Variants in NCAPH observed in about 807,000 individuals in gnomAD.
NCAPH encodes the protein condensin complex subunit 2.
NCAPH carries 38 observed loss-of-function variants against 85.5 expected under a neutral mutation model. That is an observed-to-expected ratio of 0.44 (90% confidence interval 0.34 to 0.58). NCAPH has a LOEUF of 0.58. Ranked by LOEUF, NCAPH falls within the 20% of genes least tolerant of loss-of-function variation. The pLI is 0.01. For missense variants in NCAPH, 789 were observed against 916.6 expected (o/e 0.86, Z 1.80); for synonymous variants, 301 against 335.1 (o/e 0.90, Z 1.11).
At chr2:96,354,753 A>G (rs1377591518) in intron 9 of NCAPH, among the ~76,000 whole-genome samples, 2 of 152,230 alleles carry the variant, frequency 1.3e-5, no homozygotes, top group African/African-American at 4.8e-5. Context: ...GAGGAATCAC[A>G]CCTGGCTTTG....
intron 6 of NCAPH, among the ~76,000 whole-genome samples, chr2:96,346,370 G>T (rs1404127917): frequency 6.6e-6 from 1 of 152,150 alleles, no homozygotes; most frequent in East Asian, 1.9e-4. Context: ...CTTGAGGGTG[G>T]TGGCAGATGG....
At chr2:96,369,629 C>T in intron 17 of NCAPH, 129 bp downstream of exon 17, 2 of 924,118 alleles carry the variant, frequency 2.2e-6, no homozygotes, top group South Asian at 2.9e-5. Flanking sequence ...GTAGCACCTT[C>T]AACCCAAATG....
At position 96,355,091 on chromosome 2, in the gene NCAPH, GAGA is replaced by G. The variant is rs558965067; in HGVS notation, c.1208+714_1208+716del. On this transcript the variant is annotated intron_variant, in intron 9 of 17. Coordinates refer to ENST00000240423, the MANE Select transcript of NCAPH (RefSeq NM_015341.5). ...ACCAATAAATTGAGAATATTTGGAG[GAGA>G]AGAAGAAGAATTGGTTTAGTAATTA... 9.2e-5 allele frequency among the ~76,000 whole-genome samples: 14 copies of G among 152,306 alleles called. No homozygotes were observed. In the South Asian group the frequency reaches 1.2e-3, roughly 14 times the overall value.
chr2:96,344,719 A>G (rs1032650350), intron 6 of NCAPH, among the ~76,000 whole-genome samples: 2 of 152,218 alleles, frequency 1.3e-5, no homozygotes, highest in African/African-American at 4.8e-5. Flanking sequence ...CTAGCTTTAA[A>G]TCATCTATCT....
chr2:96,341,177 G>A (rs1445015163), intron 1 of NCAPH, among the ~76,000 whole-genome samples: 1 of 152,146 alleles, frequency 6.6e-6, no homozygotes, highest in African/African-American at 2.4e-5. Context: ...TGTTTTACAT[G>A]TTTATGTTGT....
chr2:96,358,298 A>G (rs1191229269), intron 9 of NCAPH, among the ~76,000 whole-genome samples: 2 of 152,220 alleles, frequency 1.3e-5, no homozygotes, highest in African/African-American at 2.4e-5. Context: ...AGTAGGAACT[A>G]TAGCGGTATC....
Position 96,360,652 on chromosome 2 carries a change from C to G in NCAPH, c.1529C>G (p.Thr510Arg). Reference protein sequence around the residue: ...NQNWRATTLPTDFNYNVDTLV... With the variant: ...NQNWRATTLPRDFNYNVDTLV... The stretch of plus-strand genomic sequence containing the variant: ...AATTGGAGAGCTACCACCCTTCCTA[C>G]AGATTTCAACTACAATGTTGACACT... The change falls in exon 12 of 18, where the codon ACA (threonine) becomes AGA (arginine). Residue 510 changes from threonine (T) to arginine (R), a missense_variant. Coordinates refer to ENST00000240423, the MANE Select transcript of NCAPH (RefSeq NM_015341.5). The G allele has an allele frequency of 6.2e-7, 1 of 1,614,188 alleles. No individual in the cohort carries two copies. The highest frequency in any genetic ancestry group is 8.5e-7 in the Non-Finnish European group (1 of 1,180,010).
At chr2:96,340,383 CTTTTTT>C (rs908160989) in intron 1 of NCAPH, among the ~76,000 whole-genome samples, 1 of 91,238 alleles carries the variant, frequency 1.1e-5, no homozygotes, top group African/African-American at 4.2e-5. Context: ...TAATAAGCAT[CTTTTTT>C]TTTTTTTTTT....
chr2:96,355,743 A>G (rs1421437080), intron 9 of NCAPH, among the ~76,000 whole-genome samples: 2 of 149,754 alleles, frequency 1.3e-5, no homozygotes, highest in Non-Finnish European at 3.0e-5. Context: ...CCGGGTTCAC[A>G]CCATTCTCCT....
chr2:96,361,094 G>T (rs1326031941), intron 12 of NCAPH, among the ~76,000 whole-genome samples: 1 of 134,102 alleles, frequency 7.5e-6, no homozygotes, highest in Non-Finnish European at 1.5e-5. Flanking sequence ...GTTGCCCTAG[G>T]CTGGAGTGCA....
intron 9 of NCAPH, among the ~76,000 whole-genome samples, chr2:96,354,740 T>G (rs1465472863): frequency 2.0e-5 from 3 of 152,214 alleles, no homozygotes; most frequent in African/African-American, 7.2e-5. Flanking sequence ...CCTTTCTGAC[T>G]CAGAGGAATC....
intron 15 of NCAPH, among the ~76,000 whole-genome samples, chr2:96,367,796 A>T (rs892291464): frequency 2.6e-5 from 4 of 152,252 alleles, no homozygotes; most frequent in African/African-American, 9.6e-5. Context: ...CTGGTAATCA[A>T]AAAAGACAAA....
chr2:96,361,812 ATATATATATATATATATTTTT>A (rs2064623020), intron 12 of NCAPH, among the ~76,000 whole-genome samples: 1 of 82,674 alleles, frequency 1.2e-5, no homozygotes, highest in African/African-American at 3.8e-5. Flanking sequence ...ATGTGTATAT[ATATATATATATATATATTTTT>A]TTTTTTTTTT....
In NCAPH at chr2:96,375,441, T is replaced by C. The variant is rs1404082148; in HGVS notation, c.*2090T>C. On this transcript the variant is annotated 3_prime_UTR_variant, in exon 18 of 18. Transcript: ENST00000240423. ...CTCGTGAATGGGATTAGTGCTCTTA[T>C]AAAAGAGGCCTGAGGAAGCTTGTTC... Among the ~76,000 whole-genome samples the C allele has an allele frequency of 1.3e-5, 2 of 152,174 alleles. No individual in the cohort carries two copies. Among genetic ancestry groups the C allele is most frequent in the African/African-American group, 4.8e-5 (2 of 41,438 alleles).
chr2:96,344,928 A>G (rs575743114), intron 6 of NCAPH, among the ~76,000 whole-genome samples: 9 of 152,338 alleles, frequency 5.9e-5, no homozygotes, highest in South Asian at 2.1e-4. Context: ...ATTCTGAGAC[A>G]TGGATTTTAA....
chr2:96,343,354 G>A, intron 5 of NCAPH, 50 bp downstream of exon 5: 2 of 1,552,302 alleles, frequency 1.3e-6, no homozygotes, highest in Non-Finnish European at 1.7e-6. Flanking sequence ...GGGCATACCA[G>A]GTAGTTACTT....
intron 6 of NCAPH, 36 bp downstream of exon 6, chr2:96,344,265 AT>A (rs748030301): frequency 1.3e-6 from 2 of 1,571,260 alleles, no homozygotes; most frequent in Non-Finnish European, 1.7e-6. Context: ...TTTCTGACTA[AT>A]TCAGAACCTT....
At chr2:96,342,446 G>A (rs745996932) in intron 3 of NCAPH, among the ~76,000 whole-genome samples, 1 of 152,326 alleles carries the variant, frequency 6.6e-6, no homozygotes, top group Non-Finnish European at 1.5e-5. Flanking sequence ...TTGCTTCCGT[G>A]TCCTCTGGAG....
chr2:96,360,271 A>G (rs769415482), intron 11 of NCAPH, 22 bp downstream of exon 11: 2 of 1,284,726 alleles, frequency 1.6e-6, no homozygotes, highest in Admixed American at 2.0e-5. Context: ...ATTTATTAGG[A>G]TTGTGCTTAC....
Sources: gnomAD v4.1 joint callset for allele counts (sites outside exome capture counted in the v4.1 genomes callset) on GRCh38, gnomAD v4.1.1 for gene constraint, MANE v1.5 for transcripts, NCBI Gene and HGNC (gene_info 2026-07-23, HGNC 2026-07-21) for gene names.